The following ANKFY1 variants were observed in gnomAD, a reference collection of about 807,000 sequenced individuals.
ANKFY1 encodes the protein ankyrin repeat and FYVE domain containing 1.
Under a neutral mutation model 128.3 loss-of-function variants are expected in ANKFY1, and 47 were observed. The ratio of observed to expected loss-of-function variants is 0.37; its 90% confidence interval spans 0.29 to 0.47. The LOEUF (loss-of-function observed/expected upper bound fraction) is 0.47. Ranked by LOEUF, ANKFY1 falls within the 20% of genes least tolerant of loss-of-function variation. The pLI, the probability that ANKFY1 is intolerant of heterozygous loss-of-function variation, is 1.00. For missense variants in ANKFY1, 1,222 were observed against 1,510.6 expected, an observed-to-expected ratio of 0.81 and a Z score of 3.17; for synonymous variants, 553 against 601.6, an observed-to-expected ratio of 0.92 and a Z score of 1.18.
chr17:4,236,174 A>G (rs992899385), intron 2 of ANKFY1, among the ~76,000 whole-genome samples: 1 of 152,208 alleles, frequency 6.6e-6, no homozygotes, highest in Admixed American at 6.5e-5. Context: ...GTGAACCTAC[A>G]AGTTAAGTAG....
chr17:4,250,379 A>G (rs1367991501), intron 1 of ANKFY1, among the ~76,000 whole-genome samples: 3 of 152,226 alleles, frequency 2.0e-5, no homozygotes, highest in Non-Finnish European at 4.4e-5. Flanking sequence ...TAGGTTACCA[A>G]TGTACGGGCT....
At chr17:4,190,176 C>T (rs780235646) in intron 10 of ANKFY1, among the ~76,000 whole-genome samples, 2 of 152,162 alleles carry the variant, frequency 1.3e-5, no homozygotes, top group Non-Finnish European at 2.9e-5. Context: ...TGTGGTGGCT[C>T]ACAGCAGTCA....
At position 4,195,121 on chromosome 17, in the gene ANKFY1, T is replaced by C; in HGVS notation, c.1229A>G (p.Gln410Arg). Residue 410 changes from glutamine (Q) to arginine (R), a missense_variant, in exon 10 of 25, where the codon CAG becomes CGG. Coordinates refer to ENST00000341657, the MANE Select transcript of ANKFY1 (RefSeq NM_001330063.2). ...EGSTALWLAVQHITVSSDQSV... is the reference protein window; with the variant it reads ...EGSTALWLAVRHITVSSDQSV... ...CTGGTCAGAAGACACTGTGATATGC[T>C]GCACTGCCAGCCACAGAGCCGTGCT... 6.2e-7 allele frequency: 1 copy of C among 1,614,078 alleles called. No homozygotes were observed. The highest frequency in any genetic ancestry group is 8.5e-7 in the Non-Finnish European group (1 of 1,179,926).
chr17:4,168,416 G>C (rs78374157), intron 24 of ANKFY1, among the ~76,000 whole-genome samples: 1 of 152,096 alleles, frequency 6.6e-6, no homozygotes, highest in Non-Finnish European at 1.5e-5. Flanking sequence ...TCGTGTCACT[G>C]TACTCAGCCT....
At chr17:4,175,968 G>A (rs565712330) in intron 19 of ANKFY1, among the ~76,000 whole-genome samples, 21 of 152,272 alleles carry the variant, frequency 1.4e-4, no homozygotes, top group African/African-American at 4.1e-4. Context: ...GTCAGGGACC[G>A]TAACCTCCTC....
intron 21 of ANKFY1, 130 bp downstream of exon 21, chr17:4,173,224 C>T (rs1598007922): frequency 1.3e-5 from 10 of 755,138 alleles, no homozygotes; most frequent in East Asian, 5.3e-5. Context: ...ATAAAGTACC[C>T]GAAGCTGGTG....
At position 4,261,336 on chromosome 17, in the gene ANKFY1, C is replaced by T. The variant is rs111550296; in HGVS notation, c.10+2596G>A. On this transcript the variant is annotated intron_variant, in intron 1 of 24. Transcript: ENST00000341657. ...AAACCCCATCTCTACAAAAATTAGC[C>T]GGGTATGATGGCGGGTGCCTGTAAT... Among the ~76,000 whole-genome samples, 157 of 152,216 alleles carry T rather than the reference C, an allele frequency of 1.0e-3. 1 individual carries two copies. Among genetic ancestry groups the T allele is most frequent in the African/African-American group, 3.6e-3 (149 of 41,540 alleles).
chr17:4,184,284 T>C (rs1305378757), intron 12 of ANKFY1, among the ~76,000 whole-genome samples: 1 of 152,170 alleles, frequency 6.6e-6, no homozygotes, highest in African/African-American at 2.4e-5. Context: ...AAAGGGCACA[T>C]AGTACCTAAA....
intron 3 of ANKFY1, among the ~76,000 whole-genome samples, chr17:4,219,718 A>C (rs1205234979): frequency 6.6e-6 from 1 of 152,042 alleles, no homozygotes; most frequent in East Asian, 1.9e-4. Flanking sequence ...AAAGTAAAAA[A>C]AAAAGAAAAA....
intron 24 of ANKFY1, 100 bp from the exon 25 acceptor site, chr17:4,168,011 C>T: frequency 7.5e-7 from 1 of 1,326,880 alleles, no homozygotes; most frequent in Non-Finnish European, 1.0e-6. Flanking sequence ...AGCCAAGGCG[C>T]CCGCAATGCT....
At chr17:4,194,230 G>C (rs567604625) in intron 10 of ANKFY1, among the ~76,000 whole-genome samples, 4 of 149,308 alleles carry the variant, frequency 2.7e-5, no homozygotes, top group Admixed American at 1.3e-4. Context: ...GGCCTTTCCT[G>C]AGTAGCTGGG....
At chr17:4,198,617 CT>C (rs1406510893) in intron 7 of ANKFY1, among the ~76,000 whole-genome samples, 1 of 152,160 alleles carries the variant, frequency 6.6e-6, no homozygotes, top group African/African-American at 2.4e-5. Flanking sequence ...GGAAAACCAC[CT>C]GCCTCGGCCT....
chr17:4,197,311 T>C (rs1281660108), intron 8 of ANKFY1, 62 bp downstream of exon 8: 2 of 1,549,194 alleles, frequency 1.3e-6, no homozygotes, highest in Non-Finnish European at 1.8e-6. Context: ...GCCAATTACA[T>C]GCTACTGTAA....
At chr17:4,254,618 T>TAAG (rs1376220315) in intron 1 of ANKFY1, among the ~76,000 whole-genome samples, 3 of 152,230 alleles carry the variant, frequency 2.0e-5, no homozygotes, top group Non-Finnish European at 4.4e-5. Flanking sequence ...TTAAGCCATC[T>TAAG]AGCTTGTGGA....
At chr17:4,219,807 A>C (rs1453477328) in intron 3 of ANKFY1, among the ~76,000 whole-genome samples, 3 of 152,264 alleles carry the variant, frequency 2.0e-5, no homozygotes, top group Admixed American at 6.5e-5. Flanking sequence ...CTCTCACTGA[A>C]TAATATAGTA....
chr17:4,167,942 G>A lies in ANKFY1; in HGVS notation c.3378-31C>T, dbSNP rs775486637. 9 of 1,603,176 alleles carry A rather than the reference G, an allele frequency of 5.6e-6. No individual in the cohort carries two copies. In the Admixed American group the frequency reaches 8.5e-5, roughly 15 times the overall value. ...GAAGCAAAGAAAGGAAGTATGAGAG[G>A]AGCGCCAACGACAGACTCTGCTTCC... On this transcript the variant is annotated intron_variant, in intron 24 of 24. Transcript: ENST00000341657. The surrounding 1 kb of genome is among the most constrained non-coding windows in gnomAD (Gnocchi z 4.1).
intron 3 of ANKFY1, among the ~76,000 whole-genome samples, chr17:4,230,139 T>C (rs2060490829): frequency 6.6e-6 from 1 of 152,188 alleles, no homozygotes. Context: ...AAAATTTAAA[T>C]AGCACACAGC....
chr17:4,193,107 A>C (rs1422857436), intron 10 of ANKFY1, among the ~76,000 whole-genome samples: 5 of 152,232 alleles, frequency 3.3e-5, no homozygotes, highest in Admixed American at 6.5e-5. Flanking sequence ...TAGTAAGAAT[A>C]TGTAAGATTT....
rs2059242187 is a variant in ANKFY1 at position 4,168,014 on chromosome 17, G to A, written c.3378-103C>T. 24 of 1,311,194 alleles carry A rather than the reference G, an allele frequency of 1.8e-5. 1 individual carries two copies. Among genetic ancestry groups the A allele is most frequent in the East Asian group, 2.4e-5 (1 of 41,136 alleles). The allele number at this position is 1,311,194 out of a possible 1,614,324, so 81.2% of individuals were successfully genotyped here. On this transcript the variant is annotated intron_variant, in intron 24 of 24. Transcript: ENST00000341657. ...GCAGGGCCTGGCAGCCAAGGCGCCC[G>A]CAATGCTACTCTGGCAACTCTGCCA...
Sources: gnomAD v4.1 joint callset for allele counts (sites outside exome capture counted in the v4.1 genomes callset) on GRCh38, gnomAD v4.1.1 for gene constraint, Gnocchi (gnomAD v3.1) non-coding constraint, MANE v1.5 for transcripts, NCBI Gene and HGNC (gene_info 2026-07-23, HGNC 2026-07-21) for gene names.